Variants in EHBP1 observed in about 807,000 individuals in gnomAD.
EHBP1 encodes EH domain binding protein 1.
In EHBP1, 55 loss-of-function variants were observed where a neutral mutation model predicts 144.0. The observed-to-expected ratio is 0.38, with a 90% CI of 0.31 to 0.48. The LOEUF (loss-of-function observed/expected upper bound fraction) is 0.48. Among genes scored for constraint, EHBP1 ranks in the 20% least tolerant of loss-of-function variants. The probability of loss-of-function intolerance (pLI) is 0.98; values close to 1 mark genes in which losing one functional copy is unlikely to be tolerated. For missense variants in EHBP1, 1,200 were observed against 1,364.2 expected (o/e 0.88, Z 1.90); for synonymous variants, 469 against 472.7 (o/e 0.99, Z 0.10).
chr2:62,683,315 T>C (rs947567786), intron 1 of EHBP1, among the ~76,000 whole-genome samples: 29 of 152,166 alleles, frequency 1.9e-4, no homozygotes, highest in Non-Finnish European at 3.8e-4. Context: ...TGAATTTCAT[T>C]GTCTTGGCTT....
At chr2:62,701,061 T>C (rs1373411876), upstream of EHBP1, among the ~76,000 whole-genome samples, 1 of 152,180 alleles carries the variant, frequency 6.6e-6, no homozygotes, top group Non-Finnish European at 1.5e-5. Flanking sequence ...TCCACTAGCA[T>C]CCAGCTCTCA....
At chr2:62,977,737 G>A (rs2058781061) in intron 14 of EHBP1, among the ~76,000 whole-genome samples, 1 of 152,074 alleles carries the variant, frequency 6.6e-6, no homozygotes, top group Non-Finnish European at 1.5e-5. Context: ...CTAATGTGAA[G>A]GAGGCATCCC....
chr2:62,899,120 A>T (rs1338087849), intron 10 of EHBP1, among the ~76,000 whole-genome samples: 1 of 152,224 alleles, frequency 6.6e-6, no homozygotes, highest in Admixed American at 6.5e-5. Context: ...CAGAATAATC[A>T]GAAGGTGCTG....
At chr2:62,850,675 A>C (rs2048632124) in intron 7 of EHBP1, among the ~76,000 whole-genome samples, 2 of 152,176 alleles carry the variant, frequency 1.3e-5, no homozygotes, top group Admixed American at 6.5e-5. Flanking sequence ...ATAAAGTAAT[A>C]AAGTATTATA....
intron 19 of EHBP1, among the ~76,000 whole-genome samples, chr2:62,998,180 G>A (rs1014543295): frequency 7.9e-5 from 12 of 152,166 alleles, no homozygotes; most frequent in East Asian, 1.9e-4. Context: ...CCTATCATAC[G>A]GGACCCTTCT....
intron 2 of EHBP1, among the ~76,000 whole-genome samples, chr2:62,730,583 A>T (rs1246038760): frequency 6.6e-6 from 1 of 152,098 alleles, no homozygotes; most frequent in Non-Finnish European, 1.5e-5. Flanking sequence ...AGTTTTGACA[A>T]TTATGAATAA....
chr2:62,849,280 C>T (rs2048512913), intron 7 of EHBP1, among the ~76,000 whole-genome samples: 1 of 152,072 alleles, frequency 6.6e-6, no homozygotes, highest in South Asian at 2.1e-4. Context: ...GAACCCCAAA[C>T]TAGCCATGTG....
At chr2:62,755,730 G>T (rs569858402) in intron 3 of EHBP1, among the ~76,000 whole-genome samples, 1 of 152,274 alleles carries the variant, frequency 6.6e-6, no homozygotes, top group East Asian at 1.9e-4. Context: ...CATAACATTT[G>T]TTGGTCAATA....
intron 7 of EHBP1, among the ~76,000 whole-genome samples, chr2:62,833,792 G>C (rs2047005743): frequency 6.6e-6 from 1 of 152,194 alleles, no homozygotes; most frequent in African/African-American, 2.4e-5. Context: ...AGGTGTAGCT[G>C]TCATAGGTAG....
intron 14 of EHBP1, among the ~76,000 whole-genome samples, chr2:62,971,141 A>ATT (rs2058478143): frequency 6.6e-6 from 1 of 152,178 alleles, no homozygotes; most frequent in African/African-American, 2.4e-5. Context: ...ATGCTGTGAA[A>ATT]GGGCTAAATA....
At position 62,882,611 on chromosome 2, in the gene EHBP1, G is replaced by T. The variant is rs372325678; in HGVS notation, c.1185+8079G>T. On this transcript the variant is annotated intron_variant, in intron 10 of 22. Transcript: ENST00000431489. ...AGAGGAAAGGAAATGGGCCGGGTGCGGTGGCTCACGCCTGTAATCCCAGCA... is the reference window on the plus strand; with the variant it reads ...AGAGGAAAGGAAATGGGCCGGGTGCTGTGGCTCACGCCTGTAATCCCAGCA... 5.3e-5 allele frequency among the ~76,000 whole-genome samples: 8 copies of T among 152,276 alleles called. No homozygotes were observed. In the South Asian group the frequency reaches 1.0e-3, roughly 20 times the overall value.
At chr2:62,764,222 AT>A in intron 3 of EHBP1, 43 bp from the exon 4 acceptor site, 2 of 1,348,766 alleles carry the variant, frequency 1.5e-6, no homozygotes, top group East Asian at 2.6e-5. Context: ...CTAACATTGC[AT>A]TTCCCATACT....
intron 5 of EHBP1, among the ~76,000 whole-genome samples, chr2:62,806,867 A>G (rs527305188): frequency 6.6e-6 from 1 of 151,836 alleles, no homozygotes; most frequent in East Asian, 1.9e-4. Context: ...CAGTAATCCT[A>G]TTTTCTCTCT....
chr2:62,717,984 T>C (rs1018117694), intron 2 of EHBP1, among the ~76,000 whole-genome samples: 1 of 152,222 alleles, frequency 6.6e-6, no homozygotes, highest in African/African-American at 2.4e-5. Context: ...ACATTGGCTC[T>C]TTAATAGTCC....
chr2:62,747,407 A>T lies in EHBP1; in HGVS notation c.117A>T (p.Lys39Asn). The change falls in exon 3 of 23, where the codon AAA (lysine) becomes AAT (asparagine). Residue 39 changes from lysine to asparagine, a missense_variant. Coordinates refer to ENST00000431489, the MANE Select transcript of EHBP1 (RefSeq NM_001142616.3). Reference sequence around the variant, plus strand: ...TTTTGTTTGGCAGGCAACCAGATAAACTGGTGGTAGTTTGGACCAGAAGAA... The same window carrying T: ...TTTTGTTTGGCAGGCAACCAGATAATCTGGTGGTAGTTTGGACCAGAAGAA... Reference protein sequence around the residue: ...VECTKKWQPDKLVVVWTRRSR... With the variant: ...VECTKKWQPDNLVVVWTRRSR... 1.2e-6 allele frequency: 2 copies of T among 1,609,712 alleles called. No individual in the cohort carries two copies. The highest frequency in any genetic ancestry group is 1.7e-6 in the Non-Finnish European group (2 of 1,177,926).
At chr2:62,762,543 T>A (rs986177077) in intron 3 of EHBP1, among the ~76,000 whole-genome samples, 3 of 152,218 alleles carry the variant, frequency 2.0e-5, no homozygotes, top group Admixed American at 2.0e-4. Context: ...CTTTCTATAG[T>A]CTTGCCTCCT....
At chr2:62,753,172 C>A (rs1041189466) in intron 3 of EHBP1, among the ~76,000 whole-genome samples, 70 of 152,300 alleles carry the variant, frequency 4.6e-4, no homozygotes, top group African/African-American at 1.5e-3. Context: ...GTGCTTCCTT[C>A]ATGAGCTCTT....
intron 2 of EHBP1, among the ~76,000 whole-genome samples, chr2:62,712,081 A>G (rs1177214898): frequency 6.6e-6 from 1 of 152,202 alleles, no homozygotes; most frequent in Non-Finnish European, 1.5e-5. Context: ...TGATTGGTAG[A>G]GAAGGAAAAA....
chr2:63,013,614 A>G (rs1432005204), intron 19 of EHBP1, among the ~76,000 whole-genome samples: 3 of 152,114 alleles, frequency 2.0e-5, no homozygotes, highest in South Asian at 2.1e-4. Flanking sequence ...CACCACTCCA[A>G]TTTTGTCAGA....
Sources: allele counts gnomAD v4.1 joint callset (sites outside exome capture counted in the v4.1 genomes callset), GRCh38; gene constraint gnomAD v4.1.1; transcripts MANE v1.5; gene names NCBI Gene and HGNC (gene_info 2026-07-23, HGNC 2026-07-21).